SLC6A3: variants seen among roughly 807,000 people sequenced by gnomAD.
The protein encoded by SLC6A3 is sodium-dependent dopamine transporter.
A neutral mutation model predicts 70.4 loss-of-function variants in SLC6A3; 19 were observed. The observed-to-expected ratio is 0.27, with a 90% confidence interval of 0.19 to 0.40. The LOEUF (loss-of-function observed/expected upper bound fraction) is 0.40. Among genes scored for constraint, SLC6A3 ranks in the 10% least tolerant of loss-of-function variants. The probability of loss-of-function intolerance (pLI) is 1.00; values close to 1 mark genes in which losing one functional copy is unlikely to be tolerated. For missense variants in SLC6A3, 613 were observed against 838.5 expected, an observed-to-expected ratio of 0.73 and a Z score of 3.32; for synonymous variants, 368 against 356.6, an observed-to-expected ratio of 1.03 and a Z score of -0.36.
At chr5:1,434,032 G>T (rs409928) in intron 3 of SLC6A3, among the ~76,000 whole-genome samples, 2 of 152,282 alleles carry the variant, frequency 1.3e-5, no homozygotes, top group African/African-American at 4.8e-5. Flanking sequence ...TGGCCATCCA[G>T]AGCCATCCAT....
intron 9 of SLC6A3, among the ~76,000 whole-genome samples, chr5:1,410,792 GCATGTC>G (rs1258985486): frequency 2.0e-5 from 3 of 152,176 alleles, no homozygotes; most frequent in Non-Finnish European, 4.4e-5. Flanking sequence ...ACACGTGCAT[GCATGTC>G]TGTGTGTATG....
Position 1,394,854 on chromosome 5 carries a change from C to T in SLC6A3, c.1840-96G>A, listed in dbSNP as rs1755677444. ...AGAGCAGCTGAAGGCAGTGAGCAGA[C>T]AGTTTGCAGCCTCCTGGCCATGTGC... On this transcript the variant is annotated intron_variant, in intron 14 of 14. Transcript: ENST00000270349. This position sits in a 1 kb window ranked among gnomAD's most constrained non-coding sequence, Gnocchi z 4.7. 1 of 1,350,304 alleles carries T rather than the reference C, an allele frequency of 7.4e-7. No homozygotes were observed. Among genetic ancestry groups the T allele is most frequent in the Non-Finnish European group, 1.1e-6 (1 of 942,420 alleles). The allele number at this position is 1,350,304 out of a possible 1,614,324, so 83.6% of individuals were successfully genotyped here.
chr5:1,396,429 C>A lies in SLC6A3; in HGVS notation c.1840-1671G>T, dbSNP rs991058045. 6.6e-5 allele frequency among the ~76,000 whole-genome samples: 10 copies of A among 152,242 alleles called. No individual in the cohort carries two copies. The highest frequency in any genetic ancestry group is 1.5e-4 in the Non-Finnish European group (10 of 68,032). On this transcript the variant is annotated intron_variant, in intron 14 of 14. Coordinates refer to ENST00000270349, the MANE Select transcript of SLC6A3 (RefSeq NM_001044.5). This position sits in a 1 kb window ranked among gnomAD's most constrained non-coding sequence, Gnocchi z 7.0. The stretch of plus-strand genomic sequence containing the variant: ...CCAACAAGGAGGCCCCCCTGCCACC[C>A]TGCTCGCTGCCTCGAGGGAGTTTCT...
At position 1,445,333 on chromosome 5, in the gene SLC6A3, C is replaced by A. The variant is rs1430639878; in HGVS notation, c.-46+15G>T. On this transcript the variant is annotated intron_variant, in intron 1 of 14. Coordinates refer to ENST00000270349, the MANE Select transcript of SLC6A3 (RefSeq NM_001044.5). ...GAGCGGGGCGCCCCGATGCCGCGAGCGACGCTGGCCTCACCTGGCCGCCCG... is the reference window on the plus strand; with the variant it reads ...GAGCGGGGCGCCCCGATGCCGCGAGAGACGCTGGCCTCACCTGGCCGCCCG... 1 of 153,500 alleles carries A rather than the reference C, an allele frequency of 6.5e-6. No individual in the cohort carries two copies. Among genetic ancestry groups the A allele is most frequent in the Non-Finnish European group, 1.5e-5 (1 of 68,930 alleles). The allele number at this position is 153,500 out of a possible 1,614,324, so 9.5% of individuals were successfully genotyped here.
intron 3 of SLC6A3, 57 bp from the exon 4 acceptor site, chr5:1,432,755 A>G: frequency 2.4e-6 from 3 of 1,240,522 alleles, no homozygotes; most frequent in Non-Finnish European, 3.5e-6. Flanking sequence ...AGCCACCATC[A>G]GCAACGTGTC....
In SLC6A3 at chr5:1,413,740, C is replaced by T. The variant is rs1294953486; in HGVS notation, c.1156+951G>A. Among the ~76,000 whole-genome samples, 2 of 152,024 alleles carry T rather than the reference C, an allele frequency of 1.3e-5. No homozygotes were observed. The highest frequency in any genetic ancestry group is 2.9e-5 in the Non-Finnish European group (2 of 67,988). On this transcript the variant is annotated intron_variant, in intron 8 of 14. Transcript: ENST00000270349. This position sits in a 1 kb window ranked among gnomAD's most constrained non-coding sequence, Gnocchi z 7.1. Reference sequence around the variant, plus strand: ...GCAGGCCGGGAGGCAGGCGGGGGCTCTGCTGGCTGACAGAGACCGAGAAGC... The same window carrying T: ...GCAGGCCGGGAGGCAGGCGGGGGCTTTGCTGGCTGACAGAGACCGAGAAGC...
chr5:1,422,147 A>T (rs1756451463), intron 4 of SLC6A3, 133 bp from the exon 5 acceptor site: 2 of 1,008,388 alleles, frequency 2.0e-6, no homozygotes, highest in Admixed American at 4.1e-5. Flanking sequence ...TGGACAAGAG[A>T]TGCCTTCCAG....
At chr5:1,395,640 G>A (rs912666993) in intron 14 of SLC6A3, among the ~76,000 whole-genome samples, 2 of 152,190 alleles carry the variant, frequency 1.3e-5, no homozygotes, top group African/African-American at 4.8e-5. Flanking sequence ...GGTGCAGCTC[G>A]GGGCTCAGTG....
At position 1,438,288 on chromosome 5, in the gene SLC6A3, G is replaced by T. The variant is rs1165042624; in HGVS notation, c.418+3071C>A. ...GCCTTCCTTCCTGCGGCCACACTTT[G>T]CAGCCCTCCTCTGGGACTAGTCTTC... On this transcript the variant is annotated intron_variant, in intron 3 of 14. Transcript: ENST00000270349. The surrounding 1 kb of genome is among the most constrained non-coding windows in gnomAD (Gnocchi z 6.5). Among the ~76,000 whole-genome samples the T allele has an allele frequency of 6.6e-6, 1 of 152,236 alleles. No individual in the cohort carries two copies. The highest frequency in any genetic ancestry group is 1.5e-5 in the Non-Finnish European group (1 of 68,042).
Position 1,408,355 on chromosome 5 carries a change from C to T in SLC6A3, c.1498+671G>A, listed in dbSNP as rs1015332621. Among the ~76,000 whole-genome samples, 2 of 152,066 alleles carry T rather than the reference C, an allele frequency of 1.3e-5. No homozygotes were observed. The highest frequency in any genetic ancestry group is 4.8e-5 in the African/African-American group (2 of 41,414). ...CCGCGCCCGGACCACACATTCATGG[C>T]GAGATGCCCTGGCTCGGCCTCGCCA... On this transcript the variant is annotated intron_variant, in intron 11 of 14. Transcript: ENST00000270349. The surrounding 1 kb of genome is among the most constrained non-coding windows in gnomAD (Gnocchi z 6.4).
rs1756125549 is a variant in SLC6A3, at chr5:1,411,507, A to C, written c.1157-152T>G. On this transcript the variant is annotated intron_variant, in intron 8 of 14. Transcript: ENST00000270349. This position sits in a 1 kb window ranked among gnomAD's most constrained non-coding sequence, Gnocchi z 6.5. ...CTGAAAAGCCCCCTTCTATATGTCCAGCAGACCAGGCCTGGGACTCAGGAA... is the reference window on the plus strand; with the variant it reads ...CTGAAAAGCCCCCTTCTATATGTCCCGCAGACCAGGCCTGGGACTCAGGAA... 1 of 701,602 alleles carries C rather than the reference A, an allele frequency of 1.4e-6. No individual in the cohort carries two copies. Among genetic ancestry groups the C allele is most frequent in the African/African-American group, 1.8e-5 (1 of 57,040 alleles). 43.5% of individuals were successfully genotyped at this position (701,602 alleles called of 1,614,324 possible).
Position 1,411,887 on chromosome 5 carries a change from G to A in SLC6A3, c.1157-532C>T, listed in dbSNP as rs554670013. 4.6e-5 allele frequency among the ~76,000 whole-genome samples: 7 copies of A among 150,712 alleles called. No individual in the cohort carries two copies. The highest frequency in any genetic ancestry group is 1.5e-4 in the African/African-American group (6 of 40,406). ...ACATACCATGCAACATACACACTCA[G>A]ACACACATACCATGCAATATACACA... On this transcript the variant is annotated intron_variant, in intron 8 of 14. Transcript: ENST00000270349. The surrounding 1 kb of genome is among the most constrained non-coding windows in gnomAD (Gnocchi z 6.5).
At chr5:1,423,693 A>G (rs529426750) in intron 4 of SLC6A3, among the ~76,000 whole-genome samples, 66 of 152,046 alleles carry the variant, frequency 4.3e-4, no homozygotes, top group Middle Eastern at 6.8e-3. Flanking sequence ...GTCTGTGGGA[A>G]CTCATTCCAT....
intron 3 of SLC6A3, among the ~76,000 whole-genome samples, chr5:1,439,053 G>A (rs944197388): frequency 1.6e-4 from 24 of 152,184 alleles, no homozygotes; most frequent in African/African-American, 5.1e-4. Flanking sequence ...CACAGGTAAC[G>A]CGTGTGTCTT....
intron 4 of SLC6A3, among the ~76,000 whole-genome samples, chr5:1,424,239 C>T (rs371799228): frequency 2.0e-5 from 3 of 152,368 alleles, no homozygotes; most frequent in East Asian, 1.9e-4. Context: ...AGAGGCTATC[C>T]GTCACCCGCA....
In SLC6A3 at chr5:1,397,127, T is replaced by C. The variant is rs1453639545; in HGVS notation, c.1840-2369A>G. 6.6e-6 allele frequency among the ~76,000 whole-genome samples: 1 copy of C among 152,186 alleles called. No individual in the cohort carries two copies. Among genetic ancestry groups the C allele is most frequent in the Non-Finnish European group, 1.5e-5 (1 of 68,028 alleles). ...AGTGAGGTAAGAGACCTGGAGGACCTGGGGCAAAGTGGACACACCAGAGCC... is the reference window on the plus strand; with the variant it reads ...AGTGAGGTAAGAGACCTGGAGGACCCGGGGCAAAGTGGACACACCAGAGCC... On this transcript the variant is annotated intron_variant, in intron 14 of 14. Coordinates refer to ENST00000270349, the MANE Select transcript of SLC6A3 (RefSeq NM_001044.5). This position sits in a 1 kb window ranked among gnomAD's most constrained non-coding sequence, Gnocchi z 4.7.
Position 1,394,407 on chromosome 5 carries a change from C to CA in SLC6A3, c.*327_*328insT, listed in dbSNP as rs1560902181. 196 of 495,232 alleles carry CA rather than the reference C, an allele frequency of 4.0e-4. 1 individual carries two copies. In the East Asian group the frequency reaches 5.4e-3, roughly 14 times the overall value. 30.7% of individuals were successfully genotyped at this position (495,232 alleles called of 1,614,324 possible). On this transcript the variant is annotated 3_prime_UTR_variant, in exon 15 of 15. Transcript: ENST00000270349. This position sits in a 1 kb window ranked among gnomAD's most constrained non-coding sequence, Gnocchi z 4.7. ...AGTGCCCCTGGGGCAGCCTCAGAGC[C>CA]GGGAGCAGGGAGCAGGGAGGGAGGG...
At chr5:1,432,158 AG>A (rs1436617490) in intron 4 of SLC6A3, among the ~76,000 whole-genome samples, 1 of 152,154 alleles carries the variant, frequency 6.6e-6, no homozygotes, top group African/African-American at 2.4e-5. Flanking sequence ...CCTTCTGCAC[AG>A]GGTCTGCTGT....
At position 1,413,703 on chromosome 5, in the gene SLC6A3, C is replaced by T. The variant is rs1269139597; in HGVS notation, c.1156+988G>A. ...TGGAGCGAAAGGGCCTCCTCCACATCCATGTGGCAGAGCAGGCCGGGAGGC... is the reference window on the plus strand; with the variant it reads ...TGGAGCGAAAGGGCCTCCTCCACATTCATGTGGCAGAGCAGGCCGGGAGGC... On this transcript the variant is annotated intron_variant, in intron 8 of 14. Transcript: ENST00000270349. The surrounding 1 kb of genome is among the most constrained non-coding windows in gnomAD (Gnocchi z 7.1). Among the ~76,000 whole-genome samples the T allele has an allele frequency of 5.3e-5, 8 of 152,182 alleles. No homozygotes were observed. The highest frequency in any genetic ancestry group is 1.2e-4 in the Non-Finnish European group (8 of 68,020).
Sources: gnomAD v4.1 joint callset for allele counts (sites outside exome capture counted in the v4.1 genomes callset) on GRCh38, gnomAD v4.1.1 for gene constraint, Gnocchi (gnomAD v3.1) non-coding constraint, MANE v1.5 for transcripts, NCBI Gene and HGNC (gene_info 2026-07-23, HGNC 2026-07-21) for gene names.